The following CMTM6 variants were observed in gnomAD, a reference collection of about 807,000 sequenced individuals.
CMTM6 encodes the protein CKLF like MARVEL transmembrane domain containing 6.
A neutral mutation model predicts 13.6 loss-of-function variants in CMTM6; 5 were observed. The ratio of observed to expected loss-of-function variants is 0.37; its 90% CI spans 0.19 to 0.77. CMTM6 has a LOEUF of 0.77. CMTM6 is among the 30% of genes least tolerant of loss of function. The probability of loss-of-function intolerance (pLI) is 0.50; values close to 1 mark genes in which losing one functional copy is unlikely to be tolerated. For missense variants in CMTM6, 196 were observed against 218.6 expected (o/e 0.90, Z 0.65); for synonymous variants, 99 against 84.5 (o/e 1.17, Z -0.94).
chr3:32,496,419 CA>C (rs933251419), intron 1 of CMTM6, among the ~76,000 whole-genome samples: 55 of 143,388 alleles, frequency 3.8e-4, no homozygotes, highest in Non-Finnish European at 5.4e-4. Flanking sequence ...CCATCTCTAC[CA>C]AAAAAAAAAG....
At chr3:32,494,106 T>A (rs1220145322) in intron 1 of CMTM6, among the ~76,000 whole-genome samples, 1 of 152,100 alleles carries the variant, frequency 6.6e-6, no homozygotes, top group East Asian at 1.9e-4. Context: ...TCTAAAGACA[T>A]AGGTAGAAAA....
rs993734623 is a variant in CMTM6 at position 32,482,022 on chromosome 3, T to A, written c.*1938A>T. The A allele has an allele frequency of 6.6e-6, 1 of 152,112 alleles. No homozygotes were observed. Among genetic ancestry groups the A allele is most frequent in the African/African-American group, 2.4e-5 (1 of 41,394 alleles). The allele number at this position is 152,112 out of a possible 1,614,324, so 9.4% of individuals were successfully genotyped here. ...TGATATGCTCTGAATTTTAGATAGG[T>A]CTAAATCACAATGGTACAGTCTGAT... is the stretch of plus-strand genomic sequence containing the variant. On this transcript the variant is annotated 3_prime_UTR_variant, in exon 4 of 4. Coordinates refer to ENST00000205636, the MANE Select transcript of CMTM6 (RefSeq NM_017801.3).
chr3:32,499,390 G>A (rs898419814), intron 1 of CMTM6, among the ~76,000 whole-genome samples: 7 of 152,110 alleles, frequency 4.6e-5, no homozygotes, highest in Admixed American at 2.0e-4. Flanking sequence ...CCAGATGAGC[G>A]ACTAGAATTC....
Position 32,483,808 on chromosome 3 carries a change from C to T in CMTM6, c.*152G>A. On this transcript the variant is annotated 3_prime_UTR_variant, in exon 4 of 4. Coordinates refer to ENST00000205636, the MANE Select transcript of CMTM6 (RefSeq NM_017801.3). ...ATCTGGCCTACTTTGTGGTGACTGA[C>T]ACAATATTGATAAAACTGCCTTCTT... 1 of 728,594 alleles carries T rather than the reference C, an allele frequency of 1.4e-6. No individual in the cohort carries two copies. The highest frequency in any genetic ancestry group is 4.8e-5 in the South Asian group (1 of 20,928). 45.1% of individuals were successfully genotyped at this position (728,594 alleles called of 1,614,324 possible).
At chr3:32,485,404 AT>A (rs1028512403) in intron 3 of CMTM6, among the ~76,000 whole-genome samples, 1 of 151,980 alleles carries the variant, frequency 6.6e-6, no homozygotes, top group South Asian at 2.1e-4. Context: ...AAATATAAAA[AT>A]TTTTTTTATA....
At chr3:32,487,682 C>A in intron 3 of CMTM6, 1 of 292,422 alleles carries the variant, frequency 3.4e-6, no homozygotes, top group Non-Finnish European at 6.3e-6. Context: ...TCAATTTTAC[C>A]ACTTCCATTA....
intron 3 of CMTM6, among the ~76,000 whole-genome samples, chr3:32,484,922 A>G (rs1697189802): frequency 6.6e-6 from 1 of 152,084 alleles, no homozygotes. Flanking sequence ...TCTAAAGAAT[A>G]AGCATTCCAC....
At chr3:32,501,098 G>A (rs1697340923) in intron 1 of CMTM6, among the ~76,000 whole-genome samples, 2 of 146,308 alleles carry the variant, frequency 1.4e-5, no homozygotes, top group Admixed American at 6.8e-5. Flanking sequence ...TACTCGGCAC[G>A]AGAATTGCCT....
Position 32,482,992 on chromosome 3 carries a change from G to C in CMTM6, c.*968C>G, listed in dbSNP as rs1430789245. The C allele has an allele frequency of 6.6e-6, 1 of 152,522 alleles. No individual in the cohort carries two copies. Among genetic ancestry groups the C allele is most frequent in the Non-Finnish European group, 1.5e-5 (1 of 68,008 alleles). 9.4% of individuals were successfully genotyped at this position (152,522 alleles called of 1,614,324 possible). On this transcript the variant is annotated 3_prime_UTR_variant, in exon 4 of 4. Coordinates refer to ENST00000205636, the MANE Select transcript of CMTM6 (RefSeq NM_017801.3). ...CTGGTGTCCTAAAAAAAACAGATTG[G>C]CTTCAAAGAAAACACTAAGGAAGAC...
At chr3:32,485,401 A>C (rs560933578) in intron 3 of CMTM6, among the ~76,000 whole-genome samples, 1 of 152,114 alleles carries the variant, frequency 6.6e-6, no homozygotes, top group East Asian at 1.9e-4. Flanking sequence ...TTAAAATATA[A>C]AAATTTTTTT....
chr3:32,497,900 G>A (rs1338863967), intron 1 of CMTM6, among the ~76,000 whole-genome samples: 1 of 150,210 alleles, frequency 6.7e-6, no homozygotes, highest in Non-Finnish European at 1.5e-5. Flanking sequence ...GAACAATTTC[G>A]AGAAATGAGT....
chr3:32,497,517 ATTT>A (rs746833948), intron 1 of CMTM6, among the ~76,000 whole-genome samples: 1 of 143,260 alleles, frequency 7.0e-6, no homozygotes. Flanking sequence ...TTTTTAGTTG[ATTT>A]TTTTTTTTTT....
intron 1 of CMTM6, among the ~76,000 whole-genome samples, chr3:32,500,100 G>C (rs915439484): frequency 1.3e-5 from 2 of 152,134 alleles, no homozygotes; most frequent in African/African-American, 2.4e-5. Context: ...ACATATAAGT[G>C]TACAATATTT....
At chr3:32,497,517 A>ATT (rs746833948) in intron 1 of CMTM6, among the ~76,000 whole-genome samples, 10 of 143,258 alleles carry the variant, frequency 7.0e-5, no homozygotes, top group South Asian at 2.2e-4. Flanking sequence ...TTTTTAGTTG[A>ATT]TTTTTTTTTT....
chr3:32,494,800 A>C (rs961994011), intron 1 of CMTM6, among the ~76,000 whole-genome samples: 1 of 152,228 alleles, frequency 6.6e-6, no homozygotes, highest in Non-Finnish European at 1.5e-5. Context: ...GCCCATTCTT[A>C]GAATAATAAA....
At chr3:32,496,187 C>A (rs546337904) in intron 1 of CMTM6, among the ~76,000 whole-genome samples, 2 of 138,234 alleles carry the variant, frequency 1.4e-5, no homozygotes, top group South Asian at 2.3e-4. Context: ...GGTGACAAAG[C>A]GAGACTATCT....
At chr3:32,491,986 A>C in intron 1 of CMTM6, 100 bp from the exon 2 acceptor site, 1 of 1,001,826 alleles carries the variant, frequency 1.0e-6, no homozygotes, top group Non-Finnish European at 1.4e-6. Context: ...AATATTTACA[A>C]TGAGGAGACT....
At chr3:32,499,788 A>G (rs1697329339) in intron 1 of CMTM6, among the ~76,000 whole-genome samples, 1 of 152,038 alleles carries the variant, frequency 6.6e-6, no homozygotes, top group African/African-American at 2.4e-5. Flanking sequence ...CAAGAGATAG[A>G]GAAGTTACGT....
chr3:32,486,609 A>G (rs1228341761), intron 3 of CMTM6, among the ~76,000 whole-genome samples: 1 of 152,184 alleles, frequency 6.6e-6, no homozygotes, highest in Admixed American at 6.5e-5. Flanking sequence ...ATTTCAGAGA[A>G]AAATTGGATC....
Sources: allele counts gnomAD v4.1 joint callset (sites outside exome capture counted in the v4.1 genomes callset), GRCh38; gene constraint gnomAD v4.1.1; transcripts MANE v1.5; gene names NCBI Gene and HGNC (gene_info 2026-07-23, HGNC 2026-07-21).